Variants in DOCK3 observed in about 807,000 individuals in gnomAD.
DOCK3 encodes the protein dedicator of cytokinesis 3.
In DOCK3, 60 loss-of-function variants were observed where a neutral mutation model predicts 265.6. The observed-to-expected ratio is 0.23, with a 90% CI of 0.18 to 0.28. The LOEUF (loss-of-function observed/expected upper bound fraction) is 0.28, where lower values mean the gene tolerates loss of function less well. DOCK3 is among the 10% of genes least tolerant of loss of function. DOCK3 has a pLI of 1.00. For missense variants in DOCK3, 1,981 were observed against 2,594.3 expected (o/e 0.76, Z 5.14); for synonymous variants, 881 against 938.0 (o/e 0.94, Z 1.11).
At chr3:50,849,179 C>T (rs2046237087) in intron 3 of DOCK3, among the ~76,000 whole-genome samples, 1 of 152,048 alleles carries the variant, frequency 6.6e-6, no homozygotes, top group African/African-American at 2.4e-5. Flanking sequence ...GGACCACAGG[C>T]ACATGCCATC....
intron 1 of DOCK3, among the ~76,000 whole-genome samples, chr3:50,709,346 A>T (rs1004917644): frequency 6.6e-6 from 1 of 152,024 alleles, no homozygotes; most frequent in African/African-American, 2.4e-5. Flanking sequence ...GCTACTAGAG[A>T]TACTTTTACT....
At chr3:51,084,466 G>C (rs1297709947) in intron 7 of DOCK3, among the ~76,000 whole-genome samples, 3 of 152,098 alleles carry the variant, frequency 2.0e-5, no homozygotes, top group African/African-American at 7.2e-5. Flanking sequence ...GGGGGCATGA[G>C]GGGAATTGTC....
At chr3:50,943,708 A>C (rs1016538315) in intron 5 of DOCK3, among the ~76,000 whole-genome samples, 3 of 152,160 alleles carry the variant, frequency 2.0e-5, no homozygotes, top group Non-Finnish European at 4.4e-5. Flanking sequence ...GTGGTTAAGT[A>C]GTGTATACAA....
rs764169457 is a variant in DOCK3 at position 51,339,016 on chromosome 3, G to A, written c.3754G>A (p.Glu1252Lys). 23 of 1,596,662 alleles carry A rather than the reference G, an allele frequency of 1.4e-5. No individual in the cohort carries two copies. Among genetic ancestry groups the A allele is most frequent in the Non-Finnish European group, 1.8e-5 (21 of 1,171,716 alleles). ...HKLCDMHLQA[E>K]NYTEAAFTLL... is the part of the protein sequence containing the mutation. ...GCTTTGTGACATGCACTTGCAGGCC[G>A]AAAACTACACAGGTAAGTGGGGAGA... The change falls in exon 37 of 53, where the codon GAA becomes AAA. Residue 1252 changes from glutamate (E) to lysine (K), a missense_variant. By Grantham distance (56) the Glu-to-Lys change is moderately conservative. This residue lies in a region of DOCK3 where 1,357 missense variants were observed against 1,866.8 expected (regional missense o/e 0.73). Transcript: ENST00000266037.
intron 2 of DOCK3, among the ~76,000 whole-genome samples, chr3:50,821,133 CTTTTTTCTTTTTTTT>C (rs2044392469): frequency 2.3e-5 from 3 of 131,260 alleles, no homozygotes; most frequent in South Asian, 4.7e-4. Flanking sequence ...TTCTTTCTTT[CTTTTTTCTTTTTTTT>C]TTTTTTTTTT....
chr3:51,005,753 T>C (rs576795510), intron 5 of DOCK3, among the ~76,000 whole-genome samples: 26 of 152,304 alleles, frequency 1.7e-4, no homozygotes, highest in African/African-American at 6.3e-4. Context: ...ATTTATGTGA[T>C]GGCTGCAGTA....
At chr3:50,915,652 G>A (rs904652860) in intron 4 of DOCK3, among the ~76,000 whole-genome samples, 1 of 152,018 alleles carries the variant, frequency 6.6e-6, no homozygotes, top group Admixed American at 6.6e-5. Context: ...GCTGAGGCCT[G>A]GGGAGAGTGA....
At chr3:50,842,081 A>G (rs929916076) in intron 3 of DOCK3, among the ~76,000 whole-genome samples, 2 of 152,228 alleles carry the variant, frequency 1.3e-5, no homozygotes, top group Non-Finnish European at 2.9e-5. Context: ...ATATTTTCAA[A>G]TAATCCAATT....
chr3:51,075,091 A>G (rs1053632564), intron 6 of DOCK3, among the ~76,000 whole-genome samples: 9 of 152,210 alleles, frequency 5.9e-5, no homozygotes, highest in Non-Finnish European at 1.5e-5. Context: ...GAACTCAAGC[A>G]TGCTGATATA....
intron 38 of DOCK3, among the ~76,000 whole-genome samples, chr3:51,348,400 A>G (rs907894580): frequency 6.6e-6 from 1 of 152,238 alleles, no homozygotes; most frequent in African/African-American, 2.4e-5. Flanking sequence ...GTGTTTCATT[A>G]TCTCATCAAA....
chr3:50,853,489 T>C (rs1193441044), intron 3 of DOCK3, among the ~76,000 whole-genome samples: 2 of 152,172 alleles, frequency 1.3e-5, no homozygotes, highest in Admixed American at 1.3e-4. Flanking sequence ...GGAGTCCCCA[T>C]TGTCCACTGT....
At chr3:51,117,210 A>G (rs1429627292) in intron 9 of DOCK3, among the ~76,000 whole-genome samples, 2 of 152,136 alleles carry the variant, frequency 1.3e-5, no homozygotes, top group African/African-American at 4.8e-5. Context: ...TTCTGCATCT[A>G]TTTAGATAAT....
intron 1 of DOCK3, among the ~76,000 whole-genome samples, chr3:50,737,820 C>G (rs2038740347): frequency 6.6e-6 from 1 of 152,130 alleles, no homozygotes; most frequent in Admixed American, 6.6e-5. Context: ...TTATTTCATT[C>G]AGTTGTCTGT....
chr3:51,275,290 G>T, intron 25 of DOCK3, 84 bp downstream of exon 25: 1 of 1,577,188 alleles, frequency 6.3e-7, no homozygotes. Flanking sequence ...AACAAAGATC[G>T]CTTTGTACAC....
At position 51,340,778 on chromosome 3, in the gene DOCK3, T is replaced by C. The variant is rs765208299; in HGVS notation, c.3767-459T>C. 1.2e-4 allele frequency among the ~76,000 whole-genome samples: 18 copies of C among 152,198 alleles called. 1 individual carries two copies. Among genetic ancestry groups the C allele is most frequent in the Admixed American group, 3.9e-4 (6 of 15,274 alleles). ...ATTGTTCCACACATAGAGTAAGATG[T>C]TGCCAGGCCTTCACTCTGGGTCTAG... On this transcript the variant is annotated intron_variant, in intron 37 of 52. Coordinates refer to ENST00000266037, the MANE Select transcript of DOCK3 (RefSeq NM_004947.5).
At chr3:51,343,707 A>G (rs973220965) in intron 38 of DOCK3, among the ~76,000 whole-genome samples, 1 of 152,164 alleles carries the variant, frequency 6.6e-6, no homozygotes, top group African/African-American at 2.4e-5. Context: ...CAGACCCACC[A>G]TTGTTCCAGT....
intron 9 of DOCK3, among the ~76,000 whole-genome samples, chr3:51,145,378 A>G (rs2085251413): frequency 6.6e-6 from 1 of 150,962 alleles, no homozygotes; most frequent in African/African-American, 2.4e-5. Flanking sequence ...ATCCCTCCCC[A>G]CTCCGCCTAC....
intron 49 of DOCK3, among the ~76,000 whole-genome samples, chr3:51,362,923 A>G (rs1377163699): frequency 1.3e-5 from 2 of 152,244 alleles, no homozygotes; most frequent in Admixed American, 1.3e-4. Context: ...CACAGGACAC[A>G]CAGCTTAGAA....
intron 20 of DOCK3, 54 bp downstream of exon 20, chr3:51,236,482 C>T: frequency 6.6e-7 from 1 of 1,512,896 alleles, no homozygotes; most frequent in Non-Finnish European, 9.0e-7. Flanking sequence ...TCATATATTT[C>T]AGAAAATTTA....
Sources: allele counts gnomAD v4.1 joint callset (sites outside exome capture counted in the v4.1 genomes callset), GRCh38; gene constraint gnomAD v4.1.1; regional missense constraint gnomAD v4.1.1; transcripts MANE v1.5; gene names NCBI Gene and HGNC (gene_info 2026-07-23, HGNC 2026-07-21).